The following GNG12 variants were observed in gnomAD, a reference collection of about 807,000 sequenced individuals.
GNG12 encodes the protein G protein subunit gamma 12.
For missense variants in GNG12, 69 were observed against 83.8 expected (o/e 0.82, Z 0.69); for synonymous variants, 28 against 29.7 (o/e 0.94, Z 0.19).
chr1:67,765,691 A>C (rs1334261186), intron 2 of GNG12, among the ~76,000 whole-genome samples: 4 of 152,250 alleles, frequency 2.6e-5, no homozygotes, highest in Non-Finnish European at 5.9e-5. Context: ...ACTACTACCT[A>C]GTCAACCTGT....
intron 2 of GNG12, among the ~76,000 whole-genome samples, chr1:67,768,137 G>C (rs578172406): frequency 6.6e-6 from 1 of 152,316 alleles, no homozygotes; most frequent in East Asian, 1.9e-4. Context: ...ACCATTATTT[G>C]CATCCTGTGA....
intron 2 of GNG12, among the ~76,000 whole-genome samples, chr1:67,746,106 AT>A (rs1243118620): frequency 6.6e-6 from 1 of 152,176 alleles, no homozygotes; most frequent in Non-Finnish European, 1.5e-5. Flanking sequence ...ACTCCTCTAA[AT>A]TCTTTTCTTT....
intron 2 of GNG12, among the ~76,000 whole-genome samples, chr1:67,730,963 T>C (rs1375739241): frequency 2.0e-5 from 3 of 152,168 alleles, no homozygotes; most frequent in Non-Finnish European, 4.4e-5. Flanking sequence ...GAGGCATTCA[T>C]GGTATTCCAT....
intron 2 of GNG12, among the ~76,000 whole-genome samples, chr1:67,722,571 C>T (rs1254957342): frequency 7.7e-6 from 1 of 130,472 alleles, no homozygotes; most frequent in Non-Finnish European, 1.5e-5. Context: ...GGAGAGAGGT[C>T]TTAAATGAGT....
At chr1:67,817,787 C>CTTTTTTTTTTTTTTTT (rs66518207) in intron 1 of GNG12, among the ~76,000 whole-genome samples, 3 of 108,258 alleles carry the variant, frequency 2.8e-5, no homozygotes, top group African/African-American at 3.7e-5. Context: ...TTCTTTCTTT[C>CTTTTTTTTTTTTTTTT]TTTTTTTTTT....
chr1:67,742,235 T>C (rs1646486738), intron 2 of GNG12, among the ~76,000 whole-genome samples: 2 of 152,216 alleles, frequency 1.3e-5, no homozygotes, highest in African/African-American at 2.4e-5. Flanking sequence ...ACAATGTGCA[T>C]TAATCAATCA....
chr1:67,829,818 C>A (rs896789495), intron 1 of GNG12, among the ~76,000 whole-genome samples: 6 of 152,188 alleles, frequency 3.9e-5, no homozygotes, highest in South Asian at 2.1e-4. Flanking sequence ...AATAATCACA[C>A]TGTACCCTTT....
At chr1:67,811,458 C>T (rs1024323403) in intron 1 of GNG12, among the ~76,000 whole-genome samples, 5 of 152,260 alleles carry the variant, frequency 3.3e-5, no homozygotes, top group African/African-American at 7.2e-5. Context: ...AACCCTGCTG[C>T]GGTAAAATAA....
At chr1:67,808,989 T>C (rs1646908576) in intron 1 of GNG12, among the ~76,000 whole-genome samples, 1 of 152,104 alleles carries the variant, frequency 6.6e-6, no homozygotes, top group Non-Finnish European at 1.5e-5. Flanking sequence ...GCCAACTCAA[T>C]ATTGAAGAAC....
intron 2 of GNG12, among the ~76,000 whole-genome samples, chr1:67,710,000 TTATATATATAGTTATATATATAGTTA>T (rs1646278405): frequency 1.7e-4 from 5 of 29,976 alleles, no homozygotes; most frequent in African/African-American, 2.9e-4. Flanking sequence ...ATATATATAG[TTATATATATAGTTATATATATAGTTA>T]TATATATATA....
intron 1 of GNG12, among the ~76,000 whole-genome samples, chr1:67,786,867 G>A (rs1239447884): frequency 1.3e-5 from 2 of 151,916 alleles, no homozygotes; most frequent in Non-Finnish European, 2.9e-5. Flanking sequence ...AACCTGGGAG[G>A]TGGAGGTTGC....
intron 1 of GNG12, among the ~76,000 whole-genome samples, chr1:67,794,768 G>A (rs1253474688): frequency 6.6e-6 from 1 of 152,180 alleles, no homozygotes; most frequent in Non-Finnish European, 1.5e-5. Flanking sequence ...CAAGCTTATA[G>A]GGCAAGTATG....
intron 1 of GNG12, among the ~76,000 whole-genome samples, chr1:67,795,672 A>G (rs1646827278): frequency 6.6e-6 from 1 of 152,202 alleles, no homozygotes; most frequent in Non-Finnish European, 1.5e-5. Flanking sequence ...GTTTATAGCA[A>G]ATATGTTCTC....
intron 1 of GNG12, among the ~76,000 whole-genome samples, chr1:67,785,411 T>A (rs1360471946): frequency 1.3e-5 from 2 of 152,212 alleles, no homozygotes; most frequent in Non-Finnish European, 2.9e-5. Flanking sequence ...ATTCTTTGGC[T>A]CAATGAAACC....
At chr1:67,731,324 G>A (rs980693016) in intron 2 of GNG12, among the ~76,000 whole-genome samples, 1 of 152,182 alleles carries the variant, frequency 6.6e-6, no homozygotes, top group African/African-American at 2.4e-5. Context: ...CCGCTCTCAA[G>A]GAGCTTTCTA....
chr1:67,800,383 T>C (rs1260503366), intron 1 of GNG12, among the ~76,000 whole-genome samples: 2 of 152,162 alleles, frequency 1.3e-5, no homozygotes, highest in Admixed American at 1.3e-4. Context: ...GCAATAAATA[T>C]AATCATTTTT....
At chr1:67,824,509 C>CAAAAAA (rs35736017) in intron 1 of GNG12, among the ~76,000 whole-genome samples, 12 of 94,148 alleles carry the variant, frequency 1.3e-4, no homozygotes, top group Admixed American at 3.8e-4. Context: ...GATCCTGTCT[C>CAAAAAA]AAAAAAAAAA....
intron 2 of GNG12, among the ~76,000 whole-genome samples, chr1:67,771,253 CCTGA>C (rs1440830768): frequency 1.3e-5 from 2 of 152,336 alleles, no homozygotes; most frequent in South Asian, 2.1e-4. Flanking sequence ...TTTGCTAAGT[CCTGA>C]CTAAGTGCCA....
At chr1:67,806,208 C>A (rs1646893789) in intron 1 of GNG12, among the ~76,000 whole-genome samples, 1 of 151,988 alleles carries the variant, frequency 6.6e-6, no homozygotes, top group Non-Finnish European at 1.5e-5. Context: ...AGAAAGAAAG[C>A]AAGCATCAGA....
Sources: gnomAD v4.1 joint callset for allele counts (sites outside exome capture counted in the v4.1 genomes callset) on GRCh38, gnomAD v4.1.1 for gene constraint, MANE v1.5 for transcripts, NCBI Gene and HGNC (gene_info 2026-07-23, HGNC 2026-07-21) for gene names.